The following MICU2 variants were observed in gnomAD, a reference collection of about 807,000 sequenced individuals.
The protein encoded by MICU2 is mitochondrial calcium uptake 2.
A neutral mutation model predicts 60.4 loss-of-function variants in MICU2; 64 were observed. The observed-to-expected ratio is 1.06, with a 90% CI of 0.87 to 1.31. The LOEUF (loss-of-function observed/expected upper bound fraction) is 1.31, where lower values mean the gene tolerates loss of function less well. Among genes scored for constraint, MICU2 ranks in the 50% most tolerant of loss-of-function variants. The probability of loss-of-function intolerance (pLI) is 0.00; values close to 1 mark genes in which losing one functional copy is unlikely to be tolerated. For missense variants in MICU2, 569 were observed against 531.0 expected, an observed-to-expected ratio of 1.07 and a Z score of -0.70; for synonymous variants, 201 against 175.0, an observed-to-expected ratio of 1.15 and a Z score of -1.17.
intron 6 of MICU2, among the ~76,000 whole-genome samples, chr13:21,519,192 G>T (rs1886655150): frequency 6.6e-6 from 1 of 152,150 alleles, no homozygotes; most frequent in Non-Finnish European, 1.5e-5. Flanking sequence ...GAGTAGCTGA[G>T]ATTACAGGCA....
intron 4 of MICU2, among the ~76,000 whole-genome samples, chr13:21,523,358 T>C (rs548055138): frequency 6.6e-6 from 1 of 152,358 alleles, no homozygotes; most frequent in Admixed American, 6.5e-5. Flanking sequence ...AGGCATCCAC[T>C]ACAAGTTTTA....
chr13:21,511,560 C>T (rs1886428002), intron 7 of MICU2, among the ~76,000 whole-genome samples: 1 of 152,206 alleles, frequency 6.6e-6, no homozygotes, highest in African/African-American at 2.4e-5. Context: ...CTGCCCTTTA[C>T]TCAGTATCCT....
At chr13:21,521,151 A>G in intron 6 of MICU2, 94 bp downstream of exon 6, 6 of 1,000,796 alleles carry the variant, frequency 6.0e-6, no homozygotes, top group Admixed American at 2.7e-5. Context: ...TATGTAAACA[A>G]TGAATACAAT....
At chr13:21,522,773 C>T (rs1363355535) in intron 4 of MICU2, 123 bp from the exon 5 acceptor site, 3 of 625,094 alleles carry the variant, frequency 4.8e-6, no homozygotes, top group Non-Finnish European at 7.6e-6. Flanking sequence ...CTCTTTGATA[C>T]AGTGGAAAAT....
chr13:21,566,202 TAG>T (rs1236838377), intron 2 of MICU2, among the ~76,000 whole-genome samples: 4 of 152,156 alleles, frequency 2.6e-5, no homozygotes, highest in Non-Finnish European at 4.4e-5. Context: ...TGCATATTTA[TAG>T]AGAGTATTCC....
At chr13:21,561,703 TTTA>T (rs1887846746) in intron 2 of MICU2, among the ~76,000 whole-genome samples, 1 of 151,232 alleles carries the variant, frequency 6.6e-6, no homozygotes, top group Non-Finnish European at 1.5e-5. Flanking sequence ...TTTTTTTTTT[TTTA>T]GTCTCTTTTT....
At chr13:21,549,367 C>T (rs1887496638) in intron 2 of MICU2, among the ~76,000 whole-genome samples, 1 of 152,044 alleles carries the variant, frequency 6.6e-6, no homozygotes, top group Non-Finnish European at 1.5e-5. Flanking sequence ...GATTAAGCTA[C>T]AGTATATGGT....
intron 1 of MICU2, among the ~76,000 whole-genome samples, chr13:21,591,156 G>A (rs1888573866): frequency 6.6e-6 from 1 of 151,202 alleles, no homozygotes; most frequent in Non-Finnish European, 1.5e-5. Context: ...ACACATACAG[G>A]CTCAAAATAA....
chr13:21,557,753 C>T (rs1887742709), intron 2 of MICU2, among the ~76,000 whole-genome samples: 1 of 152,122 alleles, frequency 6.6e-6, no homozygotes, highest in Non-Finnish European at 1.5e-5. Flanking sequence ...AGATGAAGTA[C>T]ATCACATGCA....
Position 21,510,086 on chromosome 13 carries a change from CT to C in MICU2, c.678del (p.Glu227AsnfsTer49). ...NETGYQEAIV[K>X]EPEINTTLQM... ...TGAAGAGTTGTGTTAATTTCAGGTT[CT>C]TTCACTATTGCTTCCTATTAAAAAA... On this transcript the variant is annotated frameshift_variant, in exon 8 of 12. Transcript: ENST00000382374. LOFTEE classifies it high-confidence loss of function. The C allele has an allele frequency of 6.7e-7, 1 of 1,494,390 alleles. No individual in the cohort carries two copies. The highest frequency in any genetic ancestry group is 8.9e-7 in the Non-Finnish European group (1 of 1,124,378). 92.6% of individuals were successfully genotyped at this position (1,494,390 alleles called of 1,614,324 possible). A position where few individuals can be genotyped will look rare whatever the true frequency, so the allele number is the denominator to read the frequency against.
At chr13:21,526,066 T>C (rs1240773239) in intron 4 of MICU2, among the ~76,000 whole-genome samples, 2 of 151,210 alleles carry the variant, frequency 1.3e-5, no homozygotes, top group East Asian at 3.9e-4. Flanking sequence ...GCCTCCTGAG[T>C]AGCTGGGACC....
intron 6 of MICU2, among the ~76,000 whole-genome samples, chr13:21,518,803 C>G (rs1338981842): frequency 6.6e-6 from 1 of 152,128 alleles, no homozygotes; most frequent in Non-Finnish European, 1.5e-5. Context: ...ATTTCAGGTC[C>G]CACTTGTGCA....
At chr13:21,541,948 GGAATAAATA>G (rs1353766255) in intron 2 of MICU2, among the ~76,000 whole-genome samples, 2 of 151,696 alleles carry the variant, frequency 1.3e-5, no homozygotes, top group Non-Finnish European at 2.9e-5. Context: ...TAATTCAAAT[GGAATAAATA>G]ATTAGAAAAT....
intron 1 of MICU2, among the ~76,000 whole-genome samples, chr13:21,585,709 T>C (rs533240405): frequency 6.6e-6 from 1 of 152,188 alleles, no homozygotes; most frequent in Non-Finnish European, 1.5e-5. Context: ...TAGACAAAGA[T>C]TCTACAACTA....
intron 1 of MICU2, among the ~76,000 whole-genome samples, chr13:21,595,536 C>G (rs1005437135): frequency 5.3e-5 from 8 of 152,240 alleles, no homozygotes; most frequent in Admixed American, 2.0e-4. Context: ...GGCCCTTAGG[C>G]CACACACAAC....
intron 4 of MICU2, among the ~76,000 whole-genome samples, chr13:21,538,573 A>AC (rs1566152305): frequency 1.3e-5 from 2 of 150,852 alleles, no homozygotes; most frequent in African/African-American, 4.9e-5. Context: ...AAAAAAAAAA[A>AC]AAAAAAACCC....
rs1414513865 is a variant in MICU2, at chr13:21,603,934, T to G, written c.210+5A>C. ...TGGGGCTAGCAGAAGGAGTTAGTCCTGTACCTGTGCGGAGACTGTAAAACT... is the reference window on the plus strand; with the variant it reads ...TGGGGCTAGCAGAAGGAGTTAGTCCGGTACCTGTGCGGAGACTGTAAAACT... On this transcript the variant is annotated splice_donor_5th_base_variant and intron_variant, in intron 1 of 11. Coordinates refer to ENST00000382374, the MANE Select transcript of MICU2 (RefSeq NM_152726.3). 4 of 1,612,302 alleles carry G rather than the reference T, an allele frequency of 2.5e-6. No homozygotes were observed. The highest frequency in any genetic ancestry group is 2.2e-5 in the East Asian group (1 of 44,768).
chr13:21,514,215 A>G, intron 7 of MICU2, 138 bp downstream of exon 7: 2 of 632,848 alleles, frequency 3.2e-6, no homozygotes, highest in Non-Finnish European at 5.3e-6. Flanking sequence ...GTTGACTGAA[A>G]AGTTATGTGG....
chr13:21,509,834 T>C (rs1326647268), intron 8 of MICU2, among the ~76,000 whole-genome samples, 170 bp downstream of exon 8: 1 of 152,244 alleles, frequency 6.6e-6, no homozygotes, highest in Non-Finnish European at 1.5e-5. Context: ...CTAATTTTAG[T>C]TTCTATTTCA....
Sources: gnomAD v4.1 joint callset for allele counts (sites outside exome capture counted in the v4.1 genomes callset) on GRCh38, gnomAD v4.1.1 for gene constraint, MANE v1.5 for transcripts, NCBI Gene and HGNC (gene_info 2026-07-23, HGNC 2026-07-21) for gene names.